C12orf42: variants seen among roughly 807,000 people sequenced by gnomAD.
C12orf42 encodes the protein uncharacterized protein C12orf42.
A neutral mutation model predicts 21.6 loss-of-function variants in C12orf42; 25 were observed. The ratio of observed to expected loss-of-function variants is 1.16; its 90% confidence interval spans 0.84 to 1.62. The LOEUF (loss-of-function observed/expected upper bound fraction) is 1.62, where lower values mean the gene tolerates loss of function less well. C12orf42 is among the 40% of genes most tolerant of loss of function. The pLI is 0.00. For missense variants in C12orf42, 483 were observed against 459.3 expected (o/e 1.05, Z -0.47); for synonymous variants, 174 against 175.0 (o/e 0.99, Z 0.05).
chr12:103,311,951 A>T (rs1048200248), intron 4 of C12orf42, among the ~76,000 whole-genome samples: 31 of 152,226 alleles, frequency 2.0e-4, no homozygotes, highest in African/African-American at 7.2e-4. Flanking sequence ...TCAGTCAAAC[A>T]ATCATGAATA....
At chr12:103,076,398 A>C in the C12orf42 span, among the ~76,000 whole-genome samples, 9 of 151,948 alleles carry the variant, frequency 5.9e-5, no homozygotes, top group Admixed American at 5.9e-4. Context: ...AGGCAGAGAA[A>C]TATGGCCTAC....
Position 103,411,216 on chromosome 12 carries a change from T to G in C12orf42, c.79-9541A>C, listed in dbSNP as rs539555646. On this transcript the variant is annotated intron_variant, in intron 2 of 5. Transcript: ENST00000548883. The stretch of plus-strand genomic sequence containing the variant: ...CTAATTTGCTCTATATATAAAAAAC[T>G]ATCTCTTTTAGTAATGACATTATTC... Among the ~76,000 whole-genome samples, 9 of 152,318 alleles carry G rather than the reference T, an allele frequency of 5.9e-5. No homozygotes were observed. The South Asian group carries it at 1.9e-3, about 32-fold the overall frequency.
At chr12:103,367,097 T>C (rs1318191191) in intron 4 of C12orf42, among the ~76,000 whole-genome samples, 1 of 151,894 alleles carries the variant, frequency 6.6e-6, no homozygotes, top group Non-Finnish European at 1.5e-5. Flanking sequence ...ATATATATGA[T>C]GGAATACTAC....
At chr12:103,279,457 T>G (rs979348851) in intron 4 of C12orf42, among the ~76,000 whole-genome samples, 5 of 152,324 alleles carry the variant, frequency 3.3e-5, no homozygotes, top group African/African-American at 1.2e-4. Flanking sequence ...TTGTTTTATA[T>G]AAAATAGATA....
the C12orf42 span, among the ~76,000 whole-genome samples, chr12:103,219,805 T>C: frequency 6.6e-6 from 1 of 152,176 alleles, no homozygotes; most frequent in Non-Finnish European, 1.5e-5. Flanking sequence ...GCTTATACAC[T>C]GTTGGTGGAA....
the C12orf42 span, among the ~76,000 whole-genome samples, chr12:103,157,939 A>G: frequency 1.3e-5 from 2 of 152,228 alleles, no homozygotes; most frequent in African/African-American, 2.4e-5. Context: ...GTAATTTCAT[A>G]TAATTCTGTT....
At chr12:103,250,155 G>T (rs1425880788) in intron 10 of C12orf42, among the ~76,000 whole-genome samples, 1 of 151,760 alleles carries the variant, frequency 6.6e-6, no homozygotes, top group African/African-American at 2.4e-5. Flanking sequence ...TGGAATGTCG[G>T]CTAAGATTTT....
chr12:103,134,123 A>C, the C12orf42 span, among the ~76,000 whole-genome samples: 1 of 152,222 alleles, frequency 6.6e-6, no homozygotes, highest in Non-Finnish European at 1.5e-5. Flanking sequence ...TTGCCCATGA[A>C]GACAAATTTT....
the C12orf42 span, among the ~76,000 whole-genome samples, chr12:103,216,816 C>T: frequency 7.2e-5 from 11 of 152,040 alleles, no homozygotes; most frequent in South Asian, 6.2e-4. Flanking sequence ...CCAAGTCCTC[C>T]ATTGTAAGCC....
At chr12:103,293,608 C>A (rs2036961586) in intron 4 of C12orf42, among the ~76,000 whole-genome samples, 1 of 152,074 alleles carries the variant, frequency 6.6e-6, no homozygotes, top group East Asian at 1.9e-4. Flanking sequence ...CTTCAAAATC[C>A]TTTTTTCAAA....
chr12:103,301,951 T>C, downstream of C12orf42: 1 of 847,436 alleles, frequency 1.2e-6, no homozygotes, highest in South Asian at 1.9e-5. Context: ...TTGGCTGCGC[T>C]AGGGACTTTT....
chr12:103,304,730 A>G (rs945367961), intron 5 of C12orf42, among the ~76,000 whole-genome samples: 1 of 152,222 alleles, frequency 6.6e-6, no homozygotes, highest in Non-Finnish European at 1.5e-5. Flanking sequence ...GTAAGAATTC[A>G]AAAGTGTTAG....
intron 4 of C12orf42, among the ~76,000 whole-genome samples, chr12:103,354,667 G>T (rs2043371519): frequency 6.6e-6 from 1 of 152,126 alleles, no homozygotes. Flanking sequence ...TAGATAAATA[G>T]GAAGAATAAG....
the C12orf42 span, among the ~76,000 whole-genome samples, chr12:103,510,305 A>G: frequency 6.6e-6 from 1 of 152,180 alleles, no homozygotes; most frequent in East Asian, 1.9e-4. Flanking sequence ...GAGCTAAGCT[A>G]TGATAGGATA....
At chr12:103,376,094 G>A (rs150129042) in intron 3 of C12orf42, among the ~76,000 whole-genome samples, 9 of 152,170 alleles carry the variant, frequency 5.9e-5, no homozygotes, top group East Asian at 5.8e-4. Context: ...GAAAATTTCC[G>A]TCTTACTTAC....
At chr12:103,100,658 T>C in the C12orf42 span, among the ~76,000 whole-genome samples, 1 of 152,102 alleles carries the variant, frequency 6.6e-6, no homozygotes, top group Non-Finnish European at 1.5e-5. Flanking sequence ...GAGTTGACAG[T>C]ACAGTTAAAT....
the C12orf42 span, among the ~76,000 whole-genome samples, chr12:103,196,901 T>G: frequency 7.9e-5 from 12 of 152,188 alleles, no homozygotes; most frequent in Admixed American, 7.9e-4. Context: ...AGTGAGGTGT[T>G]TAGCCCATTT....
At chr12:103,290,507 A>C (rs10860978) in intron 4 of C12orf42, among the ~76,000 whole-genome samples, 40,514 of 152,106 alleles carry the variant, frequency 0.27, 5,463 homozygotes, top group South Asian at 0.38. Flanking sequence ...GTTAAAGTCA[A>C]ACACATAAAA....
At chr12:103,478,807 T>C (rs1332555244) in intron 1 of C12orf42, among the ~76,000 whole-genome samples, 1 of 152,118 alleles carries the variant, frequency 6.6e-6, no homozygotes, top group Non-Finnish European at 1.5e-5. Context: ...TGTAATGATG[T>C]CTTTTAAATC....
Sources: allele counts gnomAD v4.1 joint callset (sites outside exome capture counted in the v4.1 genomes callset), GRCh38; gene constraint gnomAD v4.1.1; transcripts MANE v1.5; gene names NCBI Gene and HGNC (gene_info 2026-07-23, HGNC 2026-07-21).